IL1RAPL1: variants seen among roughly 807,000 people sequenced by gnomAD.
IL1RAPL1 encodes interleukin 1 receptor accessory protein like 1.
Under a neutral mutation model 48.4 loss-of-function variants are expected in IL1RAPL1, and 3 were observed. The ratio of observed to expected loss-of-function variants is 0.06; its 90% confidence interval spans 0.03 to 0.16. The LOEUF (loss-of-function observed/expected upper bound fraction) is 0.16, where lower values mean the gene tolerates loss of function less well. Ranked by LOEUF, IL1RAPL1 falls within the 10% of genes least tolerant of loss-of-function variation. IL1RAPL1 has a pLI of 1.00. For missense variants in IL1RAPL1, 349 were observed against 530.6 expected (o/e 0.66, Z 3.36); for synonymous variants, 185 against 187.7 (o/e 0.99, Z 0.12).
chrX:29,381,215 A>G (rs901799615), intron 3 of IL1RAPL1, among the ~76,000 whole-genome samples: 2 of 110,062 alleles, frequency 1.8e-5, no homozygotes, highest in Admixed American at 9.8e-5. Context: ...AAATCTCTCA[A>G]TAATGCAATA....
At chrX:29,632,275 A>G (rs1255418731) in intron 5 of IL1RAPL1, among the ~76,000 whole-genome samples, 1 of 109,026 alleles carries the variant, frequency 9.2e-6, no homozygotes, top group African/African-American at 3.3e-5. Context: ...CAGCCTCCTG[A>G]GTAGCTGGGA....
At chrX:29,819,823 T>C (rs1016508369) in intron 6 of IL1RAPL1, among the ~76,000 whole-genome samples, 3 of 104,418 alleles carry the variant, frequency 2.9e-5, no homozygotes, top group African/African-American at 1.0e-4. Flanking sequence ...TCTACTATAT[T>C]TAAGAGTGGG....
At chrX:28,870,944 T>C (rs761425939) in intron 2 of IL1RAPL1, among the ~76,000 whole-genome samples, 1 of 112,066 alleles carries the variant, frequency 8.9e-6, no homozygotes, top group East Asian at 2.8e-4. Context: ...TTAAACCTTT[T>C]AGTTAGGAAT....
At chrX:29,222,145 G>A (rs1007708170) in intron 2 of IL1RAPL1, among the ~76,000 whole-genome samples, 4 of 109,732 alleles carry the variant, frequency 3.6e-5, no homozygotes, top group African/African-American at 6.7e-5. Flanking sequence ...ATTTTTCCCC[G>A]GTGCAAGAAG....
At chrX:29,548,409 T>G (rs1921698418) in intron 5 of IL1RAPL1, among the ~76,000 whole-genome samples, 1 of 112,229 alleles carries the variant, frequency 8.9e-6, no homozygotes, top group Non-Finnish European at 1.9e-5. Context: ...AGTTTGGTTT[T>G]AAGTTTAGCT....
chrX:29,454,631 A>G (rs1934717924), intron 5 of IL1RAPL1, among the ~76,000 whole-genome samples: 1 of 111,683 alleles, frequency 9.0e-6, no homozygotes, highest in Non-Finnish European at 1.9e-5. Flanking sequence ...CCAGGAATCA[A>G]GAGGAAAAAA....
At chrX:29,617,585 T>G (rs1376810711) in intron 5 of IL1RAPL1, among the ~76,000 whole-genome samples, 3 of 111,575 alleles carry the variant, frequency 2.7e-5, no homozygotes, top group Non-Finnish European at 5.6e-5. Flanking sequence ...GAGCCCTGTA[T>G]TGAAAAGCCG....
rs941162354 is a variant in IL1RAPL1 at position 29,391,944 on chromosome X, C to T, written c.363-4314C>T. On this transcript the variant is annotated intron_variant, in intron 3 of 10. Transcript: ENST00000378993. ...GGGTCCCTTTGCTGTAACATGAAGA[C>T]ATTGAAAGAAGTAACTTTATGTTAG... Among the ~76,000 whole-genome samples, 5 of 112,101 alleles carry T rather than the reference C, an allele frequency of 4.5e-5. No individual in the cohort carries two copies. The Admixed American group carries it at 4.7e-4, about 11-fold the overall frequency.
At chrX:28,719,115 C>T (rs183997595) in intron 1 of IL1RAPL1, among the ~76,000 whole-genome samples, 7 of 110,834 alleles carry the variant, frequency 6.3e-5, no homozygotes, top group Admixed American at 9.7e-5. Flanking sequence ...ATATATGCAT[C>T]GGAATTTAGG....
chrX:29,546,859 C>T (rs1230042513), intron 5 of IL1RAPL1, among the ~76,000 whole-genome samples: 1 of 112,202 alleles, frequency 8.9e-6, no homozygotes, highest in Non-Finnish European at 1.9e-5. Context: ...TTGTAACTTG[C>T]ACTTTTTGCT....
At chrX:28,777,215 C>T (rs1936370899) in intron 1 of IL1RAPL1, among the ~76,000 whole-genome samples, 1 of 111,132 alleles carries the variant, frequency 9.0e-6, no homozygotes, top group Non-Finnish European at 1.9e-5. Context: ...CTGCATCACT[C>T]TAATATCCAC....
At chrX:28,924,857 T>C (rs1923701406) in intron 2 of IL1RAPL1, among the ~76,000 whole-genome samples, 1 of 112,228 alleles carries the variant, frequency 8.9e-6, no homozygotes, top group Non-Finnish European at 1.9e-5. Flanking sequence ...ACTTTTAAAT[T>C]GGAAGAAGCA....
At chrX:29,226,223 C>A (rs1298605489) in intron 2 of IL1RAPL1, among the ~76,000 whole-genome samples, 2 of 111,391 alleles carry the variant, frequency 1.8e-5, no homozygotes, top group East Asian at 2.8e-4. Flanking sequence ...AGAATGATAT[C>A]TTTTCATACT....
chrX:29,920,909 G>A (rs908195351), intron 8 of IL1RAPL1, among the ~76,000 whole-genome samples: 6 of 107,288 alleles, frequency 5.6e-5, no homozygotes, highest in East Asian at 5.7e-4. Context: ...TGCTCCTTTA[G>A]TGTAAGAACT....
At chrX:28,678,018 G>A (rs1437678329) in intron 1 of IL1RAPL1, among the ~76,000 whole-genome samples, 3 of 110,456 alleles carry the variant, frequency 2.7e-5, no homozygotes, top group East Asian at 5.7e-4. Flanking sequence ...CTGACTGCTC[G>A]CCAGTCAGAG....
intron 6 of IL1RAPL1, among the ~76,000 whole-genome samples, chrX:29,844,308 T>C (rs184026589): frequency 7.0e-4 from 78 of 111,782 alleles, no homozygotes; most frequent in African/African-American, 2.0e-3. Flanking sequence ...ATTTGGTCTA[T>C]AACAAAAAAT....
At position 28,874,705 on chromosome X, in the gene IL1RAPL1, C is replaced by G. The variant is rs192157726; in HGVS notation, c.82+85280C>G. Among the ~76,000 whole-genome samples, 504 of 112,170 alleles carry G rather than the reference C, an allele frequency of 4.5e-3. 1 individual carries two copies. The highest frequency in any genetic ancestry group is 7.5e-3 in the Non-Finnish European group (399 of 53,191). On this transcript the variant is annotated intron_variant, in intron 2 of 10. Coordinates refer to ENST00000378993, the MANE Select transcript of IL1RAPL1 (RefSeq NM_014271.4). ...AAGGAAGCTGGCAGTACAAGTGGTA[C>G]TTTGTGTTTTCTCATTTCATGCTTT... is the stretch of plus-strand genomic sequence containing the variant.
At chrX:28,873,437 C>A (rs756281378) in intron 2 of IL1RAPL1, among the ~76,000 whole-genome samples, 1 of 107,396 alleles carries the variant, frequency 9.3e-6, no homozygotes, top group East Asian at 2.9e-4. Context: ...TCAGTAATCT[C>A]CTAAGTGGTG....
intron 1 of IL1RAPL1, among the ~76,000 whole-genome samples, chrX:28,602,472 T>G (rs139119871): frequency 0.014 from 1,535 of 112,333 alleles, 24 homozygotes; most frequent in African/African-American, 0.046. Context: ...TTCTTTTGCA[T>G]TTTTTACTCA....
Sources: allele counts gnomAD v4.1 joint callset (sites outside exome capture counted in the v4.1 genomes callset), GRCh38; gene constraint gnomAD v4.1.1; transcripts MANE v1.5; gene names NCBI Gene and HGNC (gene_info 2026-07-23, HGNC 2026-07-21).